Variants in SORBS2 observed in about 807,000 individuals in gnomAD.
The protein encoded by SORBS2 is sorbin and SH3 domain-containing protein 2.
SORBS2 carries 46 observed loss-of-function variants against 97.7 expected under a neutral mutation model. That is an observed-to-expected ratio of 0.47 (90% confidence interval 0.37 to 0.60). The LOEUF (loss-of-function observed/expected upper bound fraction) is 0.60, where lower values mean the gene tolerates loss of function less well. Ranked by LOEUF, SORBS2 falls within the 20% of genes least tolerant of loss-of-function variation. The pLI is 0.00. For missense variants in SORBS2, 1,316 were observed against 1,282.3 expected (o/e 1.03, Z -0.40); for synonymous variants, 476 against 473.4 (o/e 1.01, Z -0.07).
intron 1 of SORBS2, among the ~76,000 whole-genome samples, chr4:185,777,807 G>A (rs1022823247): frequency 1.3e-5 from 2 of 151,802 alleles, no homozygotes; most frequent in Non-Finnish European, 2.9e-5. Flanking sequence ...GGTGAATGAT[G>A]AGAAATTACT....
At chr4:185,656,792 G>T in exon 1 of SORBS2, 1 of 1,429,930 alleles carries the variant, frequency 7.0e-7, no homozygotes. Flanking sequence ...GCAATGCTTT[G>T]GCAGAGTTTT....
chr4:185,828,442 A>C (rs2099203188), intron 1 of SORBS2, among the ~76,000 whole-genome samples: 1 of 152,034 alleles, frequency 6.6e-6, no homozygotes, highest in Admixed American at 6.6e-5. Context: ...GAGATGAGGG[A>C]TTGTAGCATC....
intron 2 of SORBS2, among the ~76,000 whole-genome samples, chr4:185,686,955 C>A (rs1180235490): frequency 2.0e-5 from 3 of 152,196 alleles, no homozygotes; most frequent in African/African-American, 4.8e-5. Context: ...AATAGACGCG[C>A]TATATTCCTT....
intron 2 of SORBS2, chr4:185,772,459 T>C (rs2098976974): frequency 6.6e-6 from 1 of 152,324 alleles, no homozygotes; most frequent in East Asian, 1.9e-4. Flanking sequence ...ACAAAAGGCA[T>C]ACTGTCAAGC....
intron 1 of SORBS2, among the ~76,000 whole-genome samples, chr4:185,855,749 T>A (rs1473268331): frequency 6.6e-6 from 1 of 152,192 alleles, no homozygotes; most frequent in Non-Finnish European, 1.5e-5. Flanking sequence ...TATAACTTAT[T>A]ACGCACCAAA....
At chr4:185,657,488 T>A (rs1342434320), upstream of SORBS2, 2 of 1,569,530 alleles carry the variant, frequency 1.3e-6, no homozygotes, top group South Asian at 2.4e-5. Flanking sequence ...ATGCGGGGCT[T>A]TGATGACTGT....
chr4:185,887,638 A>C (rs940610252), intron 1 of SORBS2, among the ~76,000 whole-genome samples: 2 of 152,198 alleles, frequency 1.3e-5, no homozygotes, highest in African/African-American at 4.8e-5. Context: ...CTGTAACCTA[A>C]GTTAAACAAG....
chr4:185,608,060 T>A (rs966367849), intron 12 of SORBS2, among the ~76,000 whole-genome samples: 25 of 152,302 alleles, frequency 1.6e-4, no homozygotes, highest in African/African-American at 6.0e-4. Context: ...AGATACTGAC[T>A]TAGTAGAGTA....
chr4:185,797,787 C>T (rs1000893871), intron 1 of SORBS2, among the ~76,000 whole-genome samples: 1 of 152,168 alleles, frequency 6.6e-6, no homozygotes, highest in African/African-American at 2.4e-5. Context: ...ACCCCACGCC[C>T]GGTTCTCCCT....
intron 1 of SORBS2, among the ~76,000 whole-genome samples, chr4:185,908,277 CTA>C (rs66526913): frequency 0.079 from 6,883 of 87,148 alleles, 141 homozygotes; most frequent in Non-Finnish European, 0.092. Context: ...CATGCAAAGG[CTA>C]TATATATATA....
intron 1 of SORBS2, among the ~76,000 whole-genome samples, chr4:185,888,937 G>A (rs750742539): frequency 2.0e-5 from 3 of 152,186 alleles, no homozygotes; most frequent in Admixed American, 6.5e-5. Flanking sequence ...CCCACCTGTC[G>A]CCTTCCAAAT....
intron 1 of SORBS2, among the ~76,000 whole-genome samples, chr4:185,951,213 A>G (rs1368678056): frequency 6.6e-6 from 1 of 152,334 alleles, no homozygotes; most frequent in Admixed American, 6.5e-5. Context: ...CACATCAGGG[A>G]AAACATACAC....
intron 2 of SORBS2, among the ~76,000 whole-genome samples, chr4:185,696,771 A>G (rs898448156): frequency 3.3e-5 from 5 of 152,112 alleles, no homozygotes; most frequent in African/African-American, 1.2e-4. Context: ...CCTTAGTTTT[A>G]TATTGTAATC....
At chr4:185,944,152 A>T (rs2099273414) in intron 1 of SORBS2, among the ~76,000 whole-genome samples, 1 of 152,230 alleles carries the variant, frequency 6.6e-6, no homozygotes, top group Non-Finnish European at 1.5e-5. Context: ...TCACACAGGA[A>T]AGCCCTCATA....
chr4:185,941,183 A>G (rs772467501), intron 1 of SORBS2, among the ~76,000 whole-genome samples: 4 of 152,202 alleles, frequency 2.6e-5, no homozygotes, highest in Non-Finnish European at 4.4e-5. Context: ...AAGTTTTTAC[A>G]TTTATTTCCT....
At chr4:185,704,183 G>A (rs563375770) in intron 2 of SORBS2, among the ~76,000 whole-genome samples, 14 of 152,214 alleles carry the variant, frequency 9.2e-5, no homozygotes, top group South Asian at 2.1e-4. Flanking sequence ...TCTAAGTTAC[G>A]ATTCAGACAT....
chr4:185,614,101 T>G (rs2096588881), intron 11 of SORBS2, among the ~76,000 whole-genome samples: 1 of 151,988 alleles, frequency 6.6e-6, no homozygotes, highest in Non-Finnish European at 1.5e-5. Flanking sequence ...ATAATTCATT[T>G]ATCATTCTCA....
intron 1 of SORBS2, among the ~76,000 whole-genome samples, chr4:185,944,190 C>G (rs2099273441): frequency 6.6e-6 from 1 of 152,164 alleles, no homozygotes; most frequent in Admixed American, 6.5e-5. Flanking sequence ...ATATAGCCAA[C>G]TACTTTTTCT....
chr4:185,884,046 A>T (rs2099238148), intron 1 of SORBS2, among the ~76,000 whole-genome samples: 1 of 152,198 alleles, frequency 6.6e-6, no homozygotes, highest in African/African-American at 2.4e-5. Context: ...GGGAGGAAGA[A>T]GGTTCAAGGT....
Sources: allele counts gnomAD v4.1 joint callset (sites outside exome capture counted in the v4.1 genomes callset), GRCh38; gene constraint gnomAD v4.1.1; transcripts MANE v1.5; gene names NCBI Gene and HGNC (gene_info 2026-07-23, HGNC 2026-07-21).